The following CISD1 variants were observed in gnomAD, a reference collection of about 807,000 sequenced individuals.
CISD1 encodes the protein CDGSH iron-sulfur domain-containing protein 1.
In CISD1, 8 loss-of-function variants were observed where a neutral mutation model predicts 12.0. The observed-to-expected ratio is 0.67, with a 90% confidence interval of 0.39 to 1.20. The LOEUF (loss-of-function observed/expected upper bound fraction) is 1.20. CISD1 is among the 50% of genes most tolerant of loss of function. The pLI is 0.01. For synonymous variants in CISD1, 38 were observed against 42.2 expected, an observed-to-expected ratio of 0.90 and a Z score of 0.39; for missense variants, 107 against 132.7, an observed-to-expected ratio of 0.81 and a Z score of 0.95.
intron 2 of CISD1, among the ~76,000 whole-genome samples, chr10:58,280,903 C>T (rs1295976373): frequency 1.3e-5 from 2 of 152,098 alleles, no homozygotes; most frequent in East Asian, 1.9e-4. Flanking sequence ...GTCATTTCAA[C>T]GGAGTAATTA....
At position 58,289,072 on chromosome 10, in the gene CISD1, C is replaced by T. The variant is rs1404241550; in HGVS notation, c.*1422C>T. 1 of 152,194 alleles carries T rather than the reference C, an allele frequency of 6.6e-6. No individual in the cohort carries two copies. The highest frequency in any genetic ancestry group is 2.4e-5 in the African/African-American group (1 of 41,440). The allele number at this position is 152,194 out of a possible 1,614,324, so 9.4% of individuals were successfully genotyped here. On this transcript the variant is annotated 3_prime_UTR_variant, in exon 3 of 3. Transcript: ENST00000333926. ...AAGAAGCCCATGTAACTAACTTGGA[C>T]ATGTCTTTAAGTCACATATTCATCA... is the stretch of plus-strand genomic sequence containing the variant.
chr10:58,270,153 G>T (rs941701367), intron 1 of CISD1, among the ~76,000 whole-genome samples: 14 of 152,088 alleles, frequency 9.2e-5, no homozygotes, highest in African/African-American at 3.4e-4. Flanking sequence ...CTGTCTAGAG[G>T]TTAATTAAAA....
At chr10:58,286,900 C>G (rs1208339644) in intron 2 of CISD1, among the ~76,000 whole-genome samples, 13 of 152,122 alleles carry the variant, frequency 8.5e-5, no homozygotes, top group Admixed American at 6.6e-5. Flanking sequence ...TTGGGAAAGA[C>G]TGCTGCAAAA....
intron 2 of CISD1, among the ~76,000 whole-genome samples, chr10:58,283,413 C>A (rs1200059357): frequency 6.6e-6 from 1 of 152,148 alleles, no homozygotes; most frequent in African/African-American, 2.4e-5. Flanking sequence ...TCAAAAATCT[C>A]ATTACTTCGT....
chr10:58,281,089 G>A (rs903194568), intron 2 of CISD1, among the ~76,000 whole-genome samples: 1 of 152,234 alleles, frequency 6.6e-6, no homozygotes, highest in African/African-American at 2.4e-5. Context: ...TGCTTTGATT[G>A]GGTTTTCCCA....
Position 58,288,034 on chromosome 10 carries a change from A to G in CISD1, c.*384A>G, listed in dbSNP as rs2590369. 0.34 allele frequency: 52,463 copies of G among 155,914 alleles called. 11,097 individuals carry two copies. The highest frequency in any genetic ancestry group is 0.61 in the African/African-American group (25,292 of 41,636). The allele number at this position is 155,914 out of a possible 1,614,324, so 9.7% of individuals were successfully genotyped here. ...TTGTAAGTTTCAAAGAAAAATTACC[A>G]TCTTTTCATATTGACCTGGAAACTA... On this transcript the variant is annotated 3_prime_UTR_variant, in exon 3 of 3. Coordinates refer to ENST00000333926, the MANE Select transcript of CISD1 (RefSeq NM_018464.5).
At chr10:58,278,956 C>T (rs1839345278) in intron 2 of CISD1, among the ~76,000 whole-genome samples, 1 of 152,136 alleles carries the variant, frequency 6.6e-6, no homozygotes, top group African/African-American at 2.4e-5. Flanking sequence ...GCTTAATTTC[C>T]CAGAGCACTT....
rs143597111 is a variant in CISD1 at position 58,272,330 on chromosome 10, A to G, written c.31+3026A>G. Among the ~76,000 whole-genome samples the G allele has an allele frequency of 4.9e-3, 744 of 151,872 alleles. 3 individuals are homozygous for G. Among genetic ancestry groups the G allele is most frequent in the Non-Finnish European group, 7.6e-3 (517 of 67,964 alleles). On this transcript the variant is annotated intron_variant, in intron 1 of 2. Transcript: ENST00000333926. ...TTTTTTACTTTACCCTCAAGTTGCAACATAGGGATTTGTCTGTTCATCTTG... is the reference window on the plus strand; with the variant it reads ...TTTTTTACTTTACCCTCAAGTTGCAGCATAGGGATTTGTCTGTTCATCTTG...
At chr10:58,277,352 C>G (rs1839327077) in intron 2 of CISD1, 30 bp downstream of exon 2, 1 of 1,375,074 alleles carries the variant, frequency 7.3e-7, no homozygotes, top group Non-Finnish European at 1.0e-6. Flanking sequence ...CATACAGTAC[C>G]ATTTTTAATG....
At position 58,269,209 on chromosome 10, in the gene CISD1, C is replaced by T; in HGVS notation, c.-65C>T. 9 of 1,557,476 alleles carry T rather than the reference C, an allele frequency of 5.8e-6. No homozygotes were observed. The highest frequency in any genetic ancestry group is 7.9e-6 in the Non-Finnish European group (9 of 1,140,290). ...AGTACGCCGCTGGCACCTTTACTCT[C>T]GCCGGCCGCGCGAACCCGTTTGAGC... On this transcript the variant is annotated 5_prime_UTR_variant, in exon 1 of 3. Transcript: ENST00000333926.
intron 2 of CISD1, among the ~76,000 whole-genome samples, chr10:58,285,522 TAGAGTGTAG>T (rs1292419424): frequency 6.6e-6 from 1 of 152,180 alleles, no homozygotes; most frequent in Non-Finnish European, 1.5e-5. Flanking sequence ...CTCTAGATTC[TAGAGTGTAG>T]ATACATTCAA....
intron 1 of CISD1, among the ~76,000 whole-genome samples, chr10:58,271,334 C>T (rs896503808): frequency 8.5e-5 from 13 of 152,096 alleles, no homozygotes; most frequent in Non-Finnish European, 1.6e-4. Context: ...GCCACCGCGC[C>T]CGGCCGACTA....
intron 2 of CISD1, among the ~76,000 whole-genome samples, chr10:58,284,320 TAAA>T (rs796747642): frequency 1.4e-5 from 2 of 139,734 alleles, no homozygotes; most frequent in Non-Finnish European, 1.6e-5. Context: ...TTTAATCTCT[TAAA>T]AAAAAAAAAA....
intron 2 of CISD1, among the ~76,000 whole-genome samples, chr10:58,286,035 C>T (rs1839424721): frequency 6.6e-6 from 1 of 151,904 alleles, no homozygotes; most frequent in Non-Finnish European, 1.5e-5. Context: ...GAAACCCCGT[C>T]TCTACTAAAA....
chr10:58,273,057 A>T (rs907235821), intron 1 of CISD1, among the ~76,000 whole-genome samples: 2 of 152,192 alleles, frequency 1.3e-5, no homozygotes, highest in Non-Finnish European at 2.9e-5. Context: ...AAGTTTTTTT[A>T]AAACATAGCT....
At chr10:58,272,972 G>A (rs1318870188) in intron 1 of CISD1, among the ~76,000 whole-genome samples, 1 of 152,072 alleles carries the variant, frequency 6.6e-6, no homozygotes, top group African/African-American at 2.4e-5. Flanking sequence ...CCAAATTGAT[G>A]GTGGTTAGAG....
chr10:58,270,328 C>T lies in CISD1; in HGVS notation c.31+1024C>T, dbSNP rs553228482. On this transcript the variant is annotated intron_variant, in intron 1 of 2. Transcript: ENST00000333926. The stretch of plus-strand genomic sequence containing the variant: ...GATATTCCATGACATTTCGAAGTTA[C>T]TAATGATATAGAGATTATTATTTGC... Among the ~76,000 whole-genome samples the T allele has an allele frequency of 5.9e-5, 9 of 152,222 alleles. No individual in the cohort carries two copies. The East Asian group carries it at 1.5e-3, about 26-fold the overall frequency.
chr10:58,279,314 C>CAAAAGTTGAA (rs1839349664), intron 2 of CISD1, among the ~76,000 whole-genome samples: 1 of 152,114 alleles, frequency 6.6e-6, no homozygotes, highest in South Asian at 2.1e-4. Flanking sequence ...GCAGACATTT[C>CAAAAGTTGAA]AAAAGTTGAA....
chr10:58,269,325 G>C (rs2132274310), intron 1 of CISD1, 21 bp downstream of exon 1: 1 of 1,604,452 alleles, frequency 6.2e-7, no homozygotes, highest in Non-Finnish European at 8.5e-7. Context: ...GCCTGGGAGC[G>C]GGTGAGGCTG....
Sources: gnomAD v4.1 joint callset for allele counts (sites outside exome capture counted in the v4.1 genomes callset) on GRCh38, gnomAD v4.1.1 for gene constraint, MANE v1.5 for transcripts, NCBI Gene and HGNC (gene_info 2026-07-23, HGNC 2026-07-21) for gene names.